The following DCHS2 variants were observed in gnomAD, a reference collection of about 807,000 sequenced individuals.
The protein encoded by DCHS2 is protocadherin-23.
Under a neutral mutation model 182.4 loss-of-function variants are expected in DCHS2, and 142 were observed. That is an observed-to-expected ratio of 0.78 (90% confidence interval 0.68 to 0.89). The LOEUF (loss-of-function observed/expected upper bound fraction) is 0.89, where lower values mean the gene tolerates loss of function less well. DCHS2 is among the 40% of genes least tolerant of loss of function. The pLI is 0.00. For missense variants in DCHS2, 4,319 were observed against 4,198.6 expected (o/e 1.03, Z -0.79); for synonymous variants, 1,740 against 1,663.3 (o/e 1.05, Z -1.12).
intron 1 of DCHS2, among the ~76,000 whole-genome samples, chr4:154,477,227 G>T (rs114707521): frequency 6.6e-6 from 1 of 152,144 alleles, no homozygotes; most frequent in East Asian, 1.9e-4. Context: ...GTAGCCTCAC[G>T]TGGCGGAAAG....
In DCHS2 at chr4:154,320,429, C is replaced by T. The variant is rs1469692341; in HGVS notation, c.4970G>A (p.Ser1657Asn). 3.1e-6 allele frequency: 5 copies of T among 1,613,940 alleles called. No individual in the cohort carries two copies. Among genetic ancestry groups the T allele is most frequent in the East Asian group, 2.2e-5 (1 of 44,896 alleles). ...CATGTTTTCATTTCCTGAGAGGATG[C>T]TGTATGTTACTTTTCCATTCCTTCC... ...DEGRNGKVTY[S>N]ILSGNENMTF... Residue 1657 changes from serine to asparagine, a missense_variant, in exon 9 of 20, where the codon AGC (serine) becomes AAC (asparagine). Coordinates refer to ENST00000357232, the MANE Select transcript of DCHS2 (RefSeq NM_001358235.2).
At chr4:154,399,911 T>TA (rs1732086928) in intron 1 of DCHS2, among the ~76,000 whole-genome samples, 1 of 152,162 alleles carries the variant, frequency 6.6e-6, no homozygotes, top group African/African-American at 2.4e-5. Context: ...TGAGAGGGCA[T>TA]AAATCCATAG....
intron 14 of DCHS2, among the ~76,000 whole-genome samples, chr4:154,264,661 A>G (rs1733156999): frequency 6.6e-6 from 1 of 152,188 alleles, no homozygotes; most frequent in Non-Finnish European, 1.5e-5. Flanking sequence ...ATAACTGTGA[A>G]TCTAGAATTA....
rs777829175 is a variant in DCHS2 at position 154,490,459 on chromosome 4, G to A, written c.897C>T (p.Asp299=). ...CCTCGCGCACCGCGGCGCGGTACTC[G>A]TCCTGCTCAAAGACCGGCGGGTTGT... is the stretch of plus-strand genomic sequence containing the variant. ...ENDNPPVFEQ[D]EYRAAVREDA... is the part of the protein sequence containing the mutation. The change falls in exon 1 of 20, where the codon GAC becomes GAT. Residue 299 remains aspartate, a synonymous_variant. Coordinates refer to ENST00000357232, the MANE Select transcript of DCHS2 (RefSeq NM_001358235.2). 1.1e-5 allele frequency: 17 copies of A among 1,536,572 alleles called. No homozygotes were observed. Among genetic ancestry groups the A allele is most frequent in the African/African-American group, 4.1e-5 (3 of 73,040 alleles).
At chr4:154,294,287 C>T (rs1479877124) in intron 13 of DCHS2, among the ~76,000 whole-genome samples, 1 of 152,144 alleles carries the variant, frequency 6.6e-6, no homozygotes, top group African/African-American at 2.4e-5. Context: ...ATATAGTCAA[C>T]ATATAATAGG....
chr4:154,410,083 C>A (rs1732563400), intron 1 of DCHS2, among the ~76,000 whole-genome samples: 1 of 152,072 alleles, frequency 6.6e-6, no homozygotes, highest in African/African-American at 2.4e-5. Context: ...AGATGCTCAG[C>A]CAGCAATGCA....
In DCHS2 at chr4:154,491,236, G is replaced by T. The variant is rs1337482413; in HGVS notation, c.120C>A (p.Gly40=). The change falls in exon 1 of 20, where the codon GGC becomes GGA. Residue 40 remains glycine (G), a synonymous_variant. Transcript: ENST00000357232. ...AGAGCAGGGAGCGCTGCGTCCTGGC[G>T]CCGCTGCTGCCTGACCGCCCATGGG... ...DTPHGRSGSS[G]ARTQRSLLWL... 6 of 1,551,432 alleles carry T rather than the reference G, an allele frequency of 3.9e-6. No homozygotes were observed. The highest frequency in any genetic ancestry group is 3.6e-5 in the South Asian group (3 of 84,050).
intron 14 of DCHS2, among the ~76,000 whole-genome samples, chr4:154,266,048 T>G (rs1733238928): frequency 6.6e-6 from 1 of 152,218 alleles, no homozygotes; most frequent in Admixed American, 6.5e-5. Context: ...TACGTGAATG[T>G]GGTCTCTCTT....
chr4:154,461,636 T>C (rs1735013409), intron 1 of DCHS2, among the ~76,000 whole-genome samples: 3 of 152,312 alleles, frequency 2.0e-5, no homozygotes, highest in South Asian at 4.1e-4. Context: ...AAATAGAACA[T>C]ATTTTTATAA....
rs528851536 is a variant in DCHS2, at chr4:154,408,500, T to G, written c.2053-31056A>C. Reference sequence around the variant, plus strand: ...TTTTGTATATAACTTATTTTTTAATTTAATAGTTTAAAGTTAAAAAGGAAA... The same window carrying G: ...TTTTGTATATAACTTATTTTTTAATGTAATAGTTTAAAGTTAAAAAGGAAA... On this transcript the variant is annotated intron_variant, in intron 1 of 19. Coordinates refer to ENST00000357232, the MANE Select transcript of DCHS2 (RefSeq NM_001358235.2). Among the ~76,000 whole-genome samples the G allele has an allele frequency of 2.0e-5, 3 of 152,312 alleles. No homozygotes were observed. In the East Asian group the frequency reaches 5.8e-4, roughly 29 times the overall value.
At position 154,322,320 on chromosome 4, in the gene DCHS2, GACA is replaced by G. The variant is rs766644593; in HGVS notation, c.4176+8_4176+10del. 5 of 1,612,134 alleles carry G rather than the reference GACA, an allele frequency of 3.1e-6. No homozygotes were observed. Among genetic ancestry groups the G allele is most frequent in the Admixed American group, 1.7e-5 (1 of 59,516 alleles). On this transcript the variant is annotated splice_region_variant and intron_variant, in intron 8 of 19. Coordinates refer to ENST00000357232, the MANE Select transcript of DCHS2 (RefSeq NM_001358235.2). ...TAGATGTCCTTCCATATTTTATGGT[GACA>G]ACATTACCTGAATATTAACAACTGC...
At position 154,320,800 on chromosome 4, in the gene DCHS2, AT is replaced by A; in HGVS notation, c.4598del (p.Asn1533MetfsTer10). The A allele has an allele frequency of 6.2e-7, 1 of 1,614,098 alleles. No individual in the cohort carries two copies. The highest frequency in any genetic ancestry group is 8.5e-7 in the Non-Finnish European group (1 of 1,180,012). Reference protein sequence around the residue: ...VPIGTLVYVFNAKDDDGSFLN... With the variant: ...VPIGTLVYVFXAKDDDGSFLN... ...AAAAACTGCCGTCATCATCTTTGGCATTGAAGACATACACCAGGGTTCCTAT... is the reference window on the plus strand; with the variant it reads ...AAAAACTGCCGTCATCATCTTTGGCATGAAGACATACACCAGGGTTCCTAT... On this transcript the variant is annotated frameshift_variant, in exon 9 of 20. Coordinates refer to ENST00000357232, the MANE Select transcript of DCHS2 (RefSeq NM_001358235.2). LOFTEE classifies it high-confidence loss of function.
chr4:154,445,603 G>A (rs866689877), intron 1 of DCHS2, among the ~76,000 whole-genome samples: 3 of 152,162 alleles, frequency 2.0e-5, no homozygotes, highest in African/African-American at 7.2e-5. Context: ...GAGCCCAGGA[G>A]TTCAAGACTA....
chr4:154,249,083 A>G (rs374862480), intron 16 of DCHS2, among the ~76,000 whole-genome samples: 2 of 152,240 alleles, frequency 1.3e-5, no homozygotes, highest in African/African-American at 4.8e-5. Context: ...AAAAATTGAC[A>G]GATGGGATCT....
chr4:154,300,074 C>A (rs1236588547), intron 12 of DCHS2, among the ~76,000 whole-genome samples: 1 of 152,080 alleles, frequency 6.6e-6, no homozygotes, highest in Non-Finnish European at 1.5e-5. Flanking sequence ...GTGTTCTATG[C>A]AGAGGAAAGA....
intron 1 of DCHS2, among the ~76,000 whole-genome samples, chr4:154,452,974 C>T (rs571083456): frequency 1.3e-5 from 2 of 152,314 alleles, no homozygotes; most frequent in South Asian, 2.1e-4. Context: ...AAGAATCCCT[C>T]AGGCAATAAG....
chr4:154,491,155 G>A lies in DCHS2; in HGVS notation c.201C>T (p.Phe67=), dbSNP rs1386794334. ...WAASGSSAQL[F]NLTLSVDEGL... is the part of the protein sequence containing the mutation. ...CCTCATCTACGGAAAGGGTGAGGTT[G>A]AACAACTGGGCAGAGGAGCCCGAGG... The change falls in exon 1 of 20, where the codon TTC becomes TTT. Residue 67 remains phenylalanine (F), a synonymous_variant. Coordinates refer to ENST00000357232, the MANE Select transcript of DCHS2 (RefSeq NM_001358235.2). The A allele has an allele frequency of 3.2e-6, 5 of 1,551,186 alleles. No individual in the cohort carries two copies. The highest frequency in any genetic ancestry group is 1.7e-4 in the Middle Eastern group (1 of 6,016).
chr4:154,277,881 A>C (rs749638335), intron 13 of DCHS2, among the ~76,000 whole-genome samples: 14 of 152,148 alleles, frequency 9.2e-5, no homozygotes, highest in Non-Finnish European at 1.9e-4. Flanking sequence ...TCTCTACCAA[A>C]AATAAAAAAA....
intron 13 of DCHS2, among the ~76,000 whole-genome samples, chr4:154,281,505 C>A (rs1472368262): frequency 2.0e-5 from 3 of 151,964 alleles, no homozygotes; most frequent in Admixed American, 1.3e-4. Flanking sequence ...TTGAAAATTT[C>A]AAAACATTAC....
Sources: gnomAD v4.1 joint callset for allele counts (sites outside exome capture counted in the v4.1 genomes callset) on GRCh38, gnomAD v4.1.1 for gene constraint, MANE v1.5 for transcripts, NCBI Gene and HGNC (gene_info 2026-07-23, HGNC 2026-07-21) for gene names.